Variants in RASEF observed in about 807,000 individuals in gnomAD.
The protein encoded by RASEF is RAS and EF-hand domain containing, also known as ras and EF-hand domain-containing protein.
RASEF carries 68 observed loss-of-function variants against 90.1 expected under a neutral mutation model. The observed-to-expected ratio is 0.75, with a 90% CI of 0.62 to 0.92. The LOEUF is 0.92. RASEF is among the 40% of genes least tolerant of loss of function. RASEF has a pLI of 0.00. For missense variants in RASEF, 949 were observed against 937.2 expected (o/e 1.01, Z -0.16); for synonymous variants, 331 against 345.2 (o/e 0.96, Z 0.46).
chr9:83,126,086 C>T, the RASEF span, among the ~76,000 whole-genome samples: 10 of 152,250 alleles, frequency 6.6e-5, no homozygotes, highest in East Asian at 1.2e-3. Flanking sequence ...CATTCATATC[C>T]CTTGTTTCCT....
At chr9:83,147,028 G>GTATA in the RASEF span, among the ~76,000 whole-genome samples, 1,360 of 30,818 alleles carry the variant, frequency 0.044, 14 homozygotes, top group Non-Finnish European at 0.071. Context: ...GTGTGTGTGT[G>GTATA]TATATATATA....
chr9:83,071,491 T>C, the RASEF span, among the ~76,000 whole-genome samples: 3 of 152,276 alleles, frequency 2.0e-5, no homozygotes, highest in Non-Finnish European at 4.4e-5. Context: ...TGGCAACCTC[T>C]GCCTCCAGGT....
At chr9:83,155,743 T>C in the RASEF span, among the ~76,000 whole-genome samples, 1 of 152,230 alleles carries the variant, frequency 6.6e-6, no homozygotes, top group Non-Finnish European at 1.5e-5. Context: ...GAGGTGGAAC[T>C]ATAAAAGTAC....
intron 1 of RASEF, chr9:83,048,295 T>C (rs762924152): frequency 1.7e-4 from 164 of 985,250 alleles, no homozygotes; most frequent in Non-Finnish European, 1.9e-4. Context: ...CATGAAGGCG[T>C]CACTTCTCTG....
the RASEF span, among the ~76,000 whole-genome samples, chr9:83,121,649 T>A: frequency 4.9e-3 from 746 of 152,272 alleles, 5 homozygotes; most frequent in African/African-American, 0.017. Flanking sequence ...CCTTTACTGA[T>A]AAAACACTCT....
At chr9:83,034,903 T>A (rs1417447466) in intron 1 of RASEF, among the ~76,000 whole-genome samples, 6 of 152,188 alleles carry the variant, frequency 3.9e-5, no homozygotes. Context: ...CATGGTACAA[T>A]GTTGGTAATC....
chr9:83,207,598 CTTTTTTTTTT>C, the RASEF span, among the ~76,000 whole-genome samples: 3 of 85,456 alleles, frequency 3.5e-5, no homozygotes, highest in Middle Eastern at 6.7e-3. Flanking sequence ...AGGAGGGCTG[CTTTTTTTTTT>C]TTTTTTTTTT....
At chr9:83,002,534 T>C (rs1454065300) in intron 9 of RASEF, among the ~76,000 whole-genome samples, 2 of 150,582 alleles carry the variant, frequency 1.3e-5, no homozygotes, top group African/African-American at 2.4e-5. Flanking sequence ...TGTTAATATA[T>C]ACTATTAATA....
At chr9:83,063,394 C>T (rs1421813545), upstream of RASEF, among the ~76,000 whole-genome samples, 2 of 152,224 alleles carry the variant, frequency 1.3e-5, no homozygotes, top group Non-Finnish European at 2.9e-5. Context: ...GCGCGCGCGT[C>T]AGAAGCTAAC....
rs746386630 is a variant in RASEF at position 83,062,672 on chromosome 9, C to T, written c.196G>A (p.Glu66Lys). ...ADRDGAITFQ[E>K]FARGFLGSLR... ...GACCCGAGGAAGCCACGCGCGAACT[C>T]CTGGAAGGTGATGGCGCCGTCACGG... Residue 66 changes from glutamate (E) to lysine (K), a missense_variant, in exon 1 of 17, where the codon GAG becomes AAG. Glu to Lys is a moderately conservative substitution (Grantham distance 56). Coordinates refer to ENST00000376447, the MANE Select transcript of RASEF (RefSeq NM_152573.4). 2 of 1,574,594 alleles carry T rather than the reference C, an allele frequency of 1.3e-6. No individual in the cohort carries two copies. Among genetic ancestry groups the T allele is most frequent in the South Asian group, 2.3e-5 (2 of 87,616 alleles).
At chr9:83,059,481 A>G (rs1830168114) in intron 1 of RASEF, among the ~76,000 whole-genome samples, 2 of 152,262 alleles carry the variant, frequency 1.3e-5, no homozygotes, top group South Asian at 2.1e-4. Context: ...ATACTGATTT[A>G]TTCTATTCAT....
intron 4 of RASEF, among the ~76,000 whole-genome samples, chr9:83,013,942 A>C (rs1829296402): frequency 1.3e-5 from 2 of 152,236 alleles, no homozygotes; most frequent in Admixed American, 6.5e-5. Flanking sequence ...CTTCAGGGAA[A>C]AATGGGTACA....
the RASEF span, among the ~76,000 whole-genome samples, chr9:83,199,414 C>A: frequency 6.6e-6 from 1 of 152,080 alleles, no homozygotes; most frequent in African/African-American, 2.4e-5. Context: ...TGCTAACTAA[C>A]ACGGCCAGCC....
At chr9:83,045,620 G>A (rs935527799) in intron 1 of RASEF, among the ~76,000 whole-genome samples, 1 of 152,202 alleles carries the variant, frequency 6.6e-6, no homozygotes, top group African/African-American at 2.4e-5. Context: ...TGTGTTCACA[G>A]AATCAATCTG....
At chr9:83,037,009 G>T (rs1829753626) in intron 1 of RASEF, among the ~76,000 whole-genome samples, 1 of 151,920 alleles carries the variant, frequency 6.6e-6, no homozygotes, top group African/African-American at 2.4e-5. Flanking sequence ...ATGAAAACCA[G>T]AAAATATAAA....
chr9:83,109,059 G>A, the RASEF span, among the ~76,000 whole-genome samples: 3 of 152,168 alleles, frequency 2.0e-5, no homozygotes, highest in African/African-American at 7.2e-5. Flanking sequence ...GTTGCATGCT[G>A]GAAGAATATT....
chr9:82,996,590 T>C (rs966722249), intron 14 of RASEF, among the ~76,000 whole-genome samples: 2 of 152,106 alleles, frequency 1.3e-5, no homozygotes, highest in Non-Finnish European at 2.9e-5. Flanking sequence ...ATTTGAAACT[T>C]GACGCACGCT....
the RASEF span, among the ~76,000 whole-genome samples, chr9:83,074,509 C>T: frequency 6.6e-6 from 1 of 152,266 alleles, no homozygotes; most frequent in South Asian, 2.1e-4. Flanking sequence ...ATATCCAGCC[C>T]ATGACCCACT....
chr9:83,046,529 G>A lies in RASEF; in HGVS notation c.431+15908C>T, dbSNP rs142523833. 1.8e-3 allele frequency among the ~76,000 whole-genome samples: 275 copies of A among 152,214 alleles called. 1 individual carries two copies. Among genetic ancestry groups the A allele is most frequent in the African/African-American group, 6.2e-3 (257 of 41,526 alleles). ...ATATCTGCCAGTTTGAAGTACATGC[G>A]ATACCAAGAGATCCCCAAGGAGGAA... On this transcript the variant is annotated intron_variant, in intron 1 of 16. Coordinates refer to ENST00000376447, the MANE Select transcript of RASEF (RefSeq NM_152573.4).
Sources: allele counts gnomAD v4.1 joint callset (sites outside exome capture counted in the v4.1 genomes callset), GRCh38; gene constraint gnomAD v4.1.1; transcripts MANE v1.5; gene names NCBI Gene and HGNC (gene_info 2026-07-23, HGNC 2026-07-21).